TENM4: variants seen among roughly 807,000 people sequenced by gnomAD.
TENM4 encodes the protein teneurin transmembrane protein 4.
A neutral mutation model predicts 243.3 loss-of-function variants in TENM4; 82 were observed. That is an observed-to-expected ratio of 0.34 (90% CI 0.28 to 0.40). TENM4 has a LOEUF of 0.40. Ranked by LOEUF, TENM4 falls within the 10% of genes least tolerant of loss-of-function variation. The pLI, the probability that TENM4 is intolerant of heterozygous loss-of-function variation, is 1.00. For synonymous variants in TENM4, 1,412 were observed against 1,456.3 expected (o/e 0.97, Z 0.69); for missense variants, 3,138 against 3,673.3 (o/e 0.85, Z 3.77).
intron 3 of TENM4, among the ~76,000 whole-genome samples, chr11:79,181,022 A>G (rs1206189481): frequency 3.3e-5 from 5 of 152,166 alleles, no homozygotes; most frequent in Non-Finnish European, 4.4e-5. Context: ...CGTATGGAAG[A>G]AACTATACCA....
chr11:78,783,374 C>A (rs1413718454), intron 16 of TENM4, among the ~76,000 whole-genome samples: 1 of 152,180 alleles, frequency 6.6e-6, no homozygotes, highest in Non-Finnish European at 1.5e-5. Flanking sequence ...TTCATATATG[C>A]AAGTGGGAGT....
intron 2 of TENM4, among the ~76,000 whole-genome samples, chr11:79,231,154 T>C (rs762210901): frequency 6.6e-6 from 1 of 152,230 alleles, no homozygotes; most frequent in Non-Finnish European, 1.5e-5. Flanking sequence ...GCAAAATATT[T>C]GTAGCATGGA....
intron 1 of TENM4, among the ~76,000 whole-genome samples, chr11:79,335,136 CG>C (rs1857126494): frequency 6.6e-6 from 1 of 152,154 alleles, no homozygotes; most frequent in Non-Finnish European, 1.5e-5. Context: ...TGGGAGCTCC[CG>C]GAGGACAGGG....
At chr11:78,788,170 G>GCTGCTAATAATCT (rs1856978694) in intron 15 of TENM4, among the ~76,000 whole-genome samples, 2 of 152,210 alleles carry the variant, frequency 1.3e-5, no homozygotes, top group South Asian at 4.1e-4. Context: ...TAGTTTAGAA[G>GCTGCTAATAATCT]CTGCTAATAA....
At chr11:78,948,415 C>G (rs1397450267) in intron 6 of TENM4, among the ~76,000 whole-genome samples, 4 of 150,258 alleles carry the variant, frequency 2.7e-5, no homozygotes, top group Admixed American at 1.3e-4. Flanking sequence ...GCTCTGTTGC[C>G]CAGGCTGGAA....
At chr11:79,019,392 G>C (rs2136792858) in intron 6 of TENM4, among the ~76,000 whole-genome samples, 1 of 152,244 alleles carries the variant, frequency 6.6e-6, no homozygotes, top group East Asian at 1.9e-4. Context: ...CAGAGTAGAA[G>C]AGCCCATCCT....
chr11:78,962,978 A>T (rs553557264), intron 6 of TENM4, among the ~76,000 whole-genome samples: 25 of 152,258 alleles, frequency 1.6e-4, no homozygotes, highest in Admixed American at 1.1e-3. Flanking sequence ...AAATTCTGAC[A>T]TTCTCTGGAA....
At chr11:79,306,211 G>A (rs894063246) in intron 1 of TENM4, among the ~76,000 whole-genome samples, 1 of 152,188 alleles carries the variant, frequency 6.6e-6, no homozygotes, top group Non-Finnish European at 1.5e-5. Context: ...CAAGGCACAC[G>A]AGCTTTATGG....
At chr11:79,030,485 G>A (rs1312225084) in intron 6 of TENM4, among the ~76,000 whole-genome samples, 8 of 152,118 alleles carry the variant, frequency 5.3e-5, no homozygotes, top group Admixed American at 2.0e-4. Context: ...GAGTCATTTC[G>A]GCTGGACATA....
chr11:79,169,142 T>G (rs1862984415), intron 3 of TENM4, among the ~76,000 whole-genome samples: 1 of 152,222 alleles, frequency 6.6e-6, no homozygotes, highest in Non-Finnish European at 1.5e-5. Flanking sequence ...CCACTTCAGA[T>G]GCATGAATGA....
chr11:78,744,309 C>T (rs937575518), intron 19 of TENM4, among the ~76,000 whole-genome samples: 4 of 152,220 alleles, frequency 2.6e-5, no homozygotes, highest in African/African-American at 9.6e-5. Flanking sequence ...GTTTCTTGAA[C>T]CAGCTTTTCC....
chr11:79,244,029 G>A (rs540421480), intron 2 of TENM4, among the ~76,000 whole-genome samples: 81 of 152,280 alleles, frequency 5.3e-4, no homozygotes, highest in Non-Finnish European at 1.0e-3. Context: ...TCCCAGGACC[G>A]CCCTTTGAGC....
intron 2 of TENM4, among the ~76,000 whole-genome samples, chr11:79,265,840 C>CTACCCT (rs1855875358): frequency 6.6e-6 from 1 of 152,122 alleles, no homozygotes; most frequent in South Asian, 2.1e-4. Flanking sequence ...CTGTTCCCGT[C>CTACCCT]TCTCACCTTC....
chr11:79,068,962 G>C (rs1860338417), intron 5 of TENM4, among the ~76,000 whole-genome samples: 1 of 152,206 alleles, frequency 6.6e-6, no homozygotes, highest in Admixed American at 6.5e-5. Context: ...TCTGGCTGCA[G>C]TACAGAGAAT....
chr11:79,426,197 A>T (rs1859045877), intron 1 of TENM4, among the ~76,000 whole-genome samples: 1 of 152,160 alleles, frequency 6.6e-6, no homozygotes, highest in Non-Finnish European at 1.5e-5. Context: ...ATGTTAGCTA[A>T]CAAGTTCAGA....
intron 1 of TENM4, among the ~76,000 whole-genome samples, chr11:79,336,556 C>G (rs576632321): frequency 6.6e-6 from 1 of 152,260 alleles, no homozygotes; most frequent in East Asian, 1.9e-4. Flanking sequence ...AATAAGGAAT[C>G]TAGAGAGCCA....
intron 6 of TENM4, among the ~76,000 whole-genome samples, chr11:79,053,133 A>T (rs1016501133): frequency 1.1e-4 from 16 of 152,220 alleles, no homozygotes; most frequent in African/African-American, 3.4e-4. Flanking sequence ...TATAAACAAA[A>T]TCTGATAACC....
At chr11:79,348,720 C>A (rs1857369303) in intron 1 of TENM4, among the ~76,000 whole-genome samples, 1 of 152,160 alleles carries the variant, frequency 6.6e-6, no homozygotes, top group African/African-American at 2.4e-5. Flanking sequence ...GGACTTCCAA[C>A]CTCCAAAACT....
intron 12 of TENM4, among the ~76,000 whole-genome samples, chr11:78,820,481 G>A (rs7925387): frequency 2.0e-5 from 3 of 152,128 alleles, no homozygotes; most frequent in Non-Finnish European, 4.4e-5. Context: ...GAAATGGGGT[G>A]AACAGTAACA....
Sources: allele counts gnomAD v4.1 joint callset (sites outside exome capture counted in the v4.1 genomes callset), GRCh38; gene constraint gnomAD v4.1.1; transcripts MANE v1.5; gene names NCBI Gene and HGNC (gene_info 2026-07-23, HGNC 2026-07-21).